SLC35A1: variants seen among roughly 807,000 people sequenced by gnomAD.
The protein encoded by SLC35A1 is solute carrier family 35 member A1, also known as CMP-sialic acid transporter.
In SLC35A1, 21 loss-of-function variants were observed where a neutral mutation model predicts 40.3. That is an observed-to-expected ratio of 0.52 (90% CI 0.37 to 0.75). The LOEUF is 0.75. Ranked by LOEUF, SLC35A1 falls within the 30% of genes least tolerant of loss-of-function variation. The pLI is 0.00. For synonymous variants in SLC35A1, 146 were observed against 147.3 expected (o/e 0.99, Z 0.06); for missense variants, 297 against 382.1 (o/e 0.78, Z 1.86).
chr6:87,499,047 A>G, intron 2 of SLC35A1: 1 of 811,638 alleles, frequency 1.2e-6, no homozygotes, highest in Non-Finnish European at 1.5e-6. Flanking sequence ...TTGGTAATAC[A>G]AAGAGATCTG....
chr6:87,509,298 C>G (rs1333724040), intron 7 of SLC35A1, 123 bp downstream of exon 7: 2 of 1,239,348 alleles, frequency 1.6e-6, no homozygotes. Flanking sequence ...AGCTTTGTTA[C>G]TACAGTTTAT....
intron 4 of SLC35A1, among the ~76,000 whole-genome samples, chr6:87,503,176 T>C (rs1266164914): frequency 6.6e-6 from 1 of 152,224 alleles, no homozygotes; most frequent in East Asian, 1.9e-4. Flanking sequence ...TCTTGCTTAC[T>C]GAACATATCA....
chr6:87,478,249 G>A (rs1769131856), intron 2 of SLC35A1, among the ~76,000 whole-genome samples: 1 of 152,212 alleles, frequency 6.6e-6, no homozygotes, highest in African/African-American at 2.4e-5. Flanking sequence ...GGCATTGGAG[G>A]AGATAGACCT....
At chr6:87,473,327 A>T (rs1768972845) in intron 1 of SLC35A1, among the ~76,000 whole-genome samples, 1 of 152,086 alleles carries the variant, frequency 6.6e-6, no homozygotes, top group East Asian at 1.9e-4. Context: ...GCGGACCCGG[A>T]GAGAGGCCAG....
At chr6:87,492,918 T>A (rs1769596394) in intron 2 of SLC35A1, among the ~76,000 whole-genome samples, 1 of 152,196 alleles carries the variant, frequency 6.6e-6, no homozygotes, top group Non-Finnish European at 1.5e-5. Flanking sequence ...GTTTTCTCTT[T>A]GTTATTAACA....
At chr6:87,490,426 T>C (rs1037320961) in intron 2 of SLC35A1, among the ~76,000 whole-genome samples, 1 of 149,758 alleles carries the variant, frequency 6.7e-6, no homozygotes, top group African/African-American at 2.5e-5. Flanking sequence ...CTCCGTCTCC[T>C]GGGTGCAAGT....
At chr6:87,474,204 T>C (rs1769002417) in intron 1 of SLC35A1, among the ~76,000 whole-genome samples, 1 of 152,228 alleles carries the variant, frequency 6.6e-6, no homozygotes, top group African/African-American at 2.4e-5. Context: ...AATGTAAAGG[T>C]TTAGGCTTAT....
exon 8 of SLC35A1, chr6:87,512,330 TAAGA>T (rs1189110869): frequency 1.3e-5 from 2 of 152,648 alleles, no homozygotes; most frequent in South Asian, 2.1e-4. Flanking sequence ...ACTTTATTTG[TAAGA>T]AAGAATTGTT....
chr6:87,497,255 T>C (rs1769758954), intron 2 of SLC35A1, among the ~76,000 whole-genome samples: 1 of 152,158 alleles, frequency 6.6e-6, no homozygotes, highest in Non-Finnish European at 1.5e-5. Flanking sequence ...TCTTTGGTAC[T>C]ACAGTGATAT....
chr6:87,474,159 A>T (rs1769001234), intron 1 of SLC35A1, among the ~76,000 whole-genome samples: 1 of 152,260 alleles, frequency 6.6e-6, no homozygotes, highest in African/African-American at 2.4e-5. Context: ...CTTATAAATT[A>T]CAGAAGTCAA....
intron 2 of SLC35A1, among the ~76,000 whole-genome samples, chr6:87,481,493 C>T (rs1185770670): frequency 6.6e-6 from 1 of 151,760 alleles, no homozygotes; most frequent in East Asian, 1.9e-4. Flanking sequence ...GAGAAACTTC[C>T]TTTAGAAACT....
At chr6:87,486,551 G>T (rs1427740259) in intron 2 of SLC35A1, among the ~76,000 whole-genome samples, 2 of 152,078 alleles carry the variant, frequency 1.3e-5, no homozygotes, top group African/African-American at 4.8e-5. Context: ...CTTATAGTCT[G>T]TTGGAGAACC....
chr6:87,478,070 T>G (rs548965648), intron 2 of SLC35A1, among the ~76,000 whole-genome samples: 1 of 152,178 alleles, frequency 6.6e-6, no homozygotes, highest in African/African-American at 2.4e-5. Flanking sequence ...TCTCATTTAC[T>G]TCTTCCACAT....
chr6:87,508,364 C>T (rs1770151327), intron 5 of SLC35A1, 56 bp from the exon 6 acceptor site: 3 of 1,175,088 alleles, frequency 2.6e-6, no homozygotes, highest in Non-Finnish European at 2.5e-6. Context: ...AAATGAAAGA[C>T]ATTTTAAGTT....
intron 2 of SLC35A1, among the ~76,000 whole-genome samples, chr6:87,489,724 T>C (rs2127968611): frequency 6.6e-6 from 1 of 151,914 alleles, no homozygotes; most frequent in South Asian, 2.1e-4. Context: ...ATATTTCTAG[T>C]AGAGACAGGG....
At chr6:87,483,379 G>A (rs983217387) in intron 2 of SLC35A1, among the ~76,000 whole-genome samples, 1 of 152,038 alleles carries the variant, frequency 6.6e-6, no homozygotes, top group Non-Finnish European at 1.5e-5. Context: ...AGAAGCGAAA[G>A]GGGAGTTCTG....
In SLC35A1 at chr6:87,512,049, G is replaced by GTGTAAC. The variant is rs376325658; in HGVS notation, c.*524_*525insGTAACT. ...ACAGGCTAGTTCATAAACAAACTGTGTAACTTCTCAAAATGAATCTATTTC... is the reference window on the plus strand; with the variant it reads ...ACAGGCTAGTTCATAAACAAACTGTGTGTAACTAACTTCTCAAAATGAATCTATTTC... On this transcript the variant is annotated 3_prime_UTR_variant, in exon 8 of 8. Transcript: ENST00000369552. 0.27 allele frequency: 40,240 copies of GTGTAAC among 147,838 alleles called. 5,647 individuals are homozygous for GTGTAAC. The highest frequency in any genetic ancestry group is 0.4 in the Admixed American group (6,363 of 15,906). The allele number at this position is 147,838 out of a possible 1,614,324, so 9.2% of individuals were successfully genotyped here.
In SLC35A1 at chr6:87,501,162, C is replaced by T. The variant is rs1287275063; in HGVS notation, c.359C>T (p.Thr120Ile). The T allele has an allele frequency of 1.2e-6, 2 of 1,611,904 alleles. No homozygotes were observed. Among genetic ancestry groups the T allele is most frequent in the Admixed American group, 1.7e-5 (1 of 59,992 alleles). Residue 120 changes from threonine (T) to isoleucine (I), a missense_variant, in exon 4 of 8, where the codon ACC becomes ATC. Coordinates refer to ENST00000369552, the MANE Select transcript of SLC35A1 (RefSeq NM_006416.5). ...SNLDAAVYQV[T>I]YQLKIPCTAL... ...AATTCATTCTCTTTTTTTTAGGTGA[C>T]CTACCAGTTGAAGATTCCGTGTACT...
At chr6:87,504,863 T>C (rs1242039159) in intron 4 of SLC35A1, among the ~76,000 whole-genome samples, 1 of 152,240 alleles carries the variant, frequency 6.6e-6, no homozygotes, top group East Asian at 1.9e-4. Flanking sequence ...TCTCACACTA[T>C]GATTTTATTC....
Sources: gnomAD v4.1 joint callset for allele counts (sites outside exome capture counted in the v4.1 genomes callset) on GRCh38, gnomAD v4.1.1 for gene constraint, MANE v1.5 for transcripts, NCBI Gene and HGNC (gene_info 2026-07-23, HGNC 2026-07-21) for gene names.